Variants in AXIN1 observed in about 807,000 individuals in gnomAD.
The protein encoded by AXIN1 is axin-1.
Under a neutral mutation model 76.4 loss-of-function variants are expected in AXIN1, and 30 were observed. The ratio of observed to expected loss-of-function variants is 0.39; its 90% CI spans 0.29 to 0.53. The LOEUF is 0.53. Ranked by LOEUF, AXIN1 falls within the 20% of genes least tolerant of loss-of-function variation. The pLI is 0.66. For synonymous variants in AXIN1, 545 were observed against 501.4 expected (o/e 1.09, Z -1.16); for missense variants, 1,140 against 1,198.8 (o/e 0.95, Z 0.72).
intron 4 of AXIN1, 54 bp downstream of exon 4, chr16:309,919 G>A (rs900502133): frequency 6.4e-7 from 1 of 1,562,666 alleles, no homozygotes. Context: ...AGTTCACCAG[G>A]CCCACGCTGA....
chr16:308,860 G>A (rs2053097751), intron 4 of AXIN1, among the ~76,000 whole-genome samples: 1 of 152,228 alleles, frequency 6.6e-6, no homozygotes, highest in Non-Finnish European at 1.5e-5. Flanking sequence ...CTTCTCAGAA[G>A]TGATAACAAA....
chr16:334,194 C>T (rs954518791), intron 2 of AXIN1, among the ~76,000 whole-genome samples: 1 of 140,502 alleles, frequency 7.1e-6, no homozygotes, highest in Non-Finnish European at 1.5e-5. Context: ...GCACCCAGTA[C>T]CATGGCATGC....
intron 5 of AXIN1, 73 bp from the exon 6 acceptor site, chr16:298,324 C>T (rs187222273): frequency 1.6e-5 from 24 of 1,532,478 alleles, no homozygotes; most frequent in Admixed American, 1.4e-4. Flanking sequence ...AAGCATCAGG[C>T]CTGACCCAGC....
chr16:345,090 C>T lies in AXIN1; in HGVS notation c.878+1058G>A, dbSNP rs1150187. Among the ~76,000 whole-genome samples the T allele has an allele frequency of 8.8e-3, 1,334 of 151,884 alleles. 8 individuals carry two copies. Among genetic ancestry groups the T allele is most frequent in the Non-Finnish European group, 0.013 (856 of 67,898 alleles). On this transcript the variant is annotated intron_variant, in intron 2 of 10. Transcript: ENST00000262320. ...GCTCTGCTCACAAGCACAGTAGATG[C>T]CAGCCCGAAAGCCAAATAAACCTCC...
chr16:291,736 G>A (rs574400581), intron 8 of AXIN1: 7 of 309,066 alleles, frequency 2.3e-5, no homozygotes, highest in South Asian at 1.1e-4. Flanking sequence ...AGGGCCCCCC[G>A]GCGCCACAAC....
intron 9 of AXIN1, 38 bp from the exon 10 acceptor site, chr16:289,645 A>T (rs2052496399): frequency 6.2e-7 from 1 of 1,610,182 alleles, no homozygotes; most frequent in Non-Finnish European, 8.5e-7. Flanking sequence ...CTGGTTTTGG[A>T]CTGAGGTCCC....
chr16:341,557 G>T (rs1011282998), intron 2 of AXIN1, among the ~76,000 whole-genome samples: 1 of 152,226 alleles, frequency 6.6e-6, no homozygotes, highest in African/African-American at 2.4e-5. Flanking sequence ...CCCCTCCGTG[G>T]GCTCCTGTGC....
At chr16:329,001 C>T (rs970896711) in intron 2 of AXIN1, among the ~76,000 whole-genome samples, 1 of 151,922 alleles carries the variant, frequency 6.6e-6, no homozygotes, top group Non-Finnish European at 1.5e-5. Flanking sequence ...GTGGGCTGGG[C>T]ACGGTAGCTC....
At chr16:320,786 C>G (rs75509980) in intron 2 of AXIN1, among the ~76,000 whole-genome samples, 1 of 134,564 alleles carries the variant, frequency 7.4e-6, no homozygotes, top group East Asian at 2.0e-4. Flanking sequence ...TTCGCCCAGA[C>G]TGGAGTGCAG....
In AXIN1 at chr16:352,433, A is replaced by G. The variant is rs968199541; in HGVS notation, c.-146T>C. On this transcript the variant is annotated 5_prime_UTR_variant, in exon 1 of 11. It removes an upstream start codon present in the reference 5' UTR. Transcript: ENST00000262320. The stretch of plus-strand genomic sequence containing the variant: ...GAGCGGCGCGGCGCGGTCCGGGCCC[A>G]TGCGCTCAGCGGCAGCGCGGCGGGC... The G allele has an allele frequency of 3.1e-6, 3 of 973,042 alleles. No individual in the cohort carries two copies. The highest frequency in any genetic ancestry group is 4.7e-5 in the South Asian group (1 of 21,168). The allele number at this position is 973,042 out of a possible 1,614,324, so 60.3% of individuals were successfully genotyped here.
chr16:319,888 C>T (rs553466617), intron 2 of AXIN1, among the ~76,000 whole-genome samples: 5 of 152,226 alleles, frequency 3.3e-5, no homozygotes, highest in Admixed American at 2.6e-4. Flanking sequence ...GGGCCACCGT[C>T]GGATCGGGTT....
In AXIN1 at chr16:287,479, A is replaced by G; in HGVS notation, c.*643T>C. 2.7e-6 allele frequency: 1 copy of G among 375,186 alleles called. No homozygotes were observed. Among genetic ancestry groups the G allele is most frequent in the South Asian group, 4.8e-5 (1 of 20,628 alleles). The allele number at this position is 375,186 out of a possible 1,614,324, so 23.2% of individuals were successfully genotyped here. ...AGTTTTATTTCATTATTATCCAAGTACCTTTGAAAAGATAATTAATTGTAC... is the reference window on the plus strand; with the variant it reads ...AGTTTTATTTCATTATTATCCAAGTGCCTTTGAAAAGATAATTAATTGTAC... On this transcript the variant is annotated 3_prime_UTR_variant, in exon 11 of 11. Transcript: ENST00000262320.
intron 1 of AXIN1, among the ~76,000 whole-genome samples, chr16:348,685 C>G (rs1270497399): frequency 6.6e-6 from 1 of 152,152 alleles, no homozygotes; most frequent in Admixed American, 6.5e-5. Context: ...TGCCTGTAGT[C>G]TCAGCTACTT....
intron 9 of AXIN1, chr16:289,936 G>A (rs1429030702): frequency 1.7e-5 from 8 of 474,978 alleles, no homozygotes; most frequent in Non-Finnish European, 3.1e-5. Context: ...TCCTATCTCA[G>A]GAAGACCTAC....
intron 4 of AXIN1, 126 bp downstream of exon 4, chr16:309,847 C>CT (rs1219168661): frequency 4.5e-6 from 4 of 889,678 alleles, no homozygotes; most frequent in Non-Finnish European, 7.3e-6. Context: ...TGGGATCACA[C>CT]GCTTACGCCT....
intron 7 of AXIN1, 119 bp downstream of exon 7, chr16:296,937 G>A: frequency 8.0e-7 from 1 of 1,252,914 alleles, no homozygotes; most frequent in Non-Finnish European, 1.2e-6. Flanking sequence ...GACAGGGGAA[G>A]TGTGAGGCGT....
intron 4 of AXIN1, among the ~76,000 whole-genome samples, chr16:304,812 G>A (rs1007727795): frequency 6.6e-6 from 1 of 152,194 alleles, no homozygotes; most frequent in African/African-American, 2.4e-5. Flanking sequence ...TGGGATTACA[G>A]GTGTGAGCCA....
At chr16:352,310 G>A in intron 1 of AXIN1, 59 bp downstream of exon 1, 2 of 947,152 alleles carry the variant, frequency 2.1e-6, no homozygotes, top group Non-Finnish European at 2.5e-6. Context: ...CGCCGCTTCC[G>A]GGTCCCGCCC....
At chr16:320,797 T>C (rs769307658) in intron 2 of AXIN1, among the ~76,000 whole-genome samples, 35 of 71,096 alleles carry the variant, frequency 4.9e-4, no homozygotes, top group Non-Finnish European at 8.6e-4. Flanking sequence ...TGGAGTGCAG[T>C]GGCGCGATCT....
Sources: allele counts gnomAD v4.1 joint callset (sites outside exome capture counted in the v4.1 genomes callset), GRCh38; gene constraint gnomAD v4.1.1; transcripts MANE v1.5; gene names NCBI Gene and HGNC (gene_info 2026-07-23, HGNC 2026-07-21).